Variants in PPP3R1 observed in about 807,000 individuals in gnomAD.
The protein encoded by PPP3R1 is protein phosphatase 3 regulatory subunit B, alpha, also known as calcineurin subunit B type 1.
Under a neutral mutation model 22.6 loss-of-function variants are expected in PPP3R1, and 5 were observed. The ratio of observed to expected loss-of-function variants is 0.22; its 90% CI spans 0.12 to 0.46. The LOEUF (loss-of-function observed/expected upper bound fraction) is 0.46, where lower values mean the gene tolerates loss of function less well. Ranked by LOEUF, PPP3R1 falls within the 20% of genes least tolerant of loss-of-function variation. The pLI, the probability that PPP3R1 is intolerant of heterozygous loss-of-function variation, is 0.99. For missense variants in PPP3R1, 61 were observed against 203.2 expected (o/e 0.30, Z 4.25); for synonymous variants, 56 against 65.2 (o/e 0.86, Z 0.68).
At chr2:68,225,835 T>C (rs768766493) in intron 1 of PPP3R1, among the ~76,000 whole-genome samples, 4 of 152,206 alleles carry the variant, frequency 2.6e-5, no homozygotes, top group African/African-American at 7.2e-5. Flanking sequence ...GGACTCTTAG[T>C]GTAACCAGAA....
chr2:68,196,073 C>CT (rs1227582365), intron 2 of PPP3R1, among the ~76,000 whole-genome samples: 1 of 152,012 alleles, frequency 6.6e-6, no homozygotes, highest in Non-Finnish European at 1.5e-5. Context: ...CCCGGAATCT[C>CT]TATCTTAGAG....
intron 1 of PPP3R1, among the ~76,000 whole-genome samples, chr2:68,218,553 C>T (rs1669622414): frequency 6.6e-6 from 1 of 151,998 alleles, no homozygotes; most frequent in Admixed American, 6.6e-5. Context: ...CTTAATTGAT[C>T]TTAATATTCT....
intron 1 of PPP3R1, among the ~76,000 whole-genome samples, chr2:68,238,788 T>C (rs1416742481): frequency 1.3e-5 from 2 of 152,102 alleles, no homozygotes; most frequent in African/African-American, 4.8e-5. Flanking sequence ...CAAGTGGCAT[T>C]TGGGGGATCT....
chr2:68,250,801 A>T (rs1024398907), intron 1 of PPP3R1, among the ~76,000 whole-genome samples: 1 of 151,562 alleles, frequency 6.6e-6, no homozygotes, highest in Admixed American at 6.6e-5. Context: ...CCTATATTTT[A>T]AATAAAAGCT....
intron 2 of PPP3R1, among the ~76,000 whole-genome samples, chr2:68,189,054 C>T (rs150456007): frequency 2.0e-5 from 3 of 152,256 alleles, no homozygotes; most frequent in South Asian, 4.1e-4. Flanking sequence ...AAGCTGATCA[C>T]GGAGGTTCTA....
intron 2 of PPP3R1, among the ~76,000 whole-genome samples, chr2:68,198,199 T>TATATGTATACAC (rs1674844176): frequency 6.9e-6 from 1 of 144,110 alleles, no homozygotes; most frequent in African/African-American, 2.5e-5. Flanking sequence ...TATATTTACA[T>TATATGTATACAC]ATATGTGCAT....
intron 2 of PPP3R1, among the ~76,000 whole-genome samples, chr2:68,189,262 A>G (rs1196009359): frequency 6.6e-6 from 1 of 152,154 alleles, no homozygotes; most frequent in South Asian, 2.1e-4. Flanking sequence ...CCAGTTTCCT[A>G]AATATTCTTC....
chr2:68,188,835 A>G, intron 2 of PPP3R1, 145 bp from the exon 3 acceptor site: 4 of 659,948 alleles, frequency 6.1e-6, no homozygotes, highest in Non-Finnish European at 1.0e-5. Flanking sequence ...TTTAATTTCC[A>G]ATTTGATAAA....
chr2:68,212,803 CTG>C (rs1405625284), intron 2 of PPP3R1, among the ~76,000 whole-genome samples: 8 of 152,236 alleles, frequency 5.3e-5, no homozygotes, highest in African/African-American at 1.9e-4. Flanking sequence ...TGAGCACTGA[CTG>C]TAACTTAAAG....
chr2:68,198,060 G>C (rs1674829653), intron 2 of PPP3R1, among the ~76,000 whole-genome samples: 1 of 34,278 alleles, frequency 2.9e-5, no homozygotes, highest in African/African-American at 1.5e-4. Flanking sequence ...CGGCACCTTT[G>C]GCAAAAAAAA....
intron 5 of PPP3R1, among the ~76,000 whole-genome samples, chr2:68,182,554 G>A (rs745329955): frequency 2.7e-5 from 4 of 150,892 alleles, no homozygotes; most frequent in African/African-American, 7.3e-5. Context: ...GGTGTCTCAC[G>A]CCTGTAATCC....
chr2:68,187,628 G>C (rs1315283126), intron 3 of PPP3R1, among the ~76,000 whole-genome samples: 1 of 151,834 alleles, frequency 6.6e-6, no homozygotes, highest in African/African-American at 2.4e-5. Context: ...ACTGTAACAA[G>C]GGGCTTTAAA....
In PPP3R1 at chr2:68,252,310, G is replaced by C. The variant is rs1457012466; in HGVS notation, c.-183C>G. ...CCGCGCCGGCCGGGCGATTGGGCAC[G>C]CGAGGGAGCGGGCAGGGTAGGGGGA... On this transcript the variant is annotated 5_prime_UTR_variant, in exon 1 of 6. Coordinates refer to ENST00000234310, the MANE Select transcript of PPP3R1 (RefSeq NM_000945.4). 2.0e-6 allele frequency: 2 copies of C among 1,024,288 alleles called. No individual in the cohort carries two copies. Among genetic ancestry groups the C allele is most frequent in the African/African-American group, 3.5e-5 (2 of 57,916 alleles). 63.4% of individuals were successfully genotyped at this position (1,024,288 alleles called of 1,614,324 possible). A position where few individuals can be genotyped will look rare whatever the true frequency, so the allele number is the denominator to read the frequency against.
intron 2 of PPP3R1, among the ~76,000 whole-genome samples, chr2:68,210,194 T>C (rs556904634): frequency 6.6e-6 from 1 of 152,284 alleles, no homozygotes; most frequent in South Asian, 2.1e-4. Flanking sequence ...TTGGCCTCTA[T>C]TCCAATTCTT....
chr2:68,248,641 G>A (rs939978314), intron 1 of PPP3R1, among the ~76,000 whole-genome samples: 1 of 152,084 alleles, frequency 6.6e-6, no homozygotes, highest in African/African-American at 2.4e-5. Context: ...CTGTTGGTTC[G>A]GGAACCATCA....
chr2:68,199,983 T>C (rs980934655), intron 2 of PPP3R1, among the ~76,000 whole-genome samples: 1 of 152,218 alleles, frequency 6.6e-6, no homozygotes. Flanking sequence ...TGTGTTTCTT[T>C]CTTTCTTTTC....
intron 2 of PPP3R1, among the ~76,000 whole-genome samples, chr2:68,208,365 A>G (rs1403161750): frequency 6.6e-6 from 1 of 152,194 alleles, no homozygotes; most frequent in Non-Finnish European, 1.5e-5. Flanking sequence ...CAGGTGGTAA[A>G]TATTTTAGGC....
chr2:68,250,275 A>C (rs1670321757), intron 1 of PPP3R1, among the ~76,000 whole-genome samples: 1 of 152,202 alleles, frequency 6.6e-6, no homozygotes, highest in Admixed American at 6.5e-5. Context: ...ATTTTAAAAG[A>C]CAAGAAAACA....
chr2:68,198,237 A>G (rs955912864), intron 2 of PPP3R1, among the ~76,000 whole-genome samples: 2 of 114,364 alleles, frequency 1.7e-5, no homozygotes, highest in African/African-American at 6.1e-5. Flanking sequence ...ATATATGTAT[A>G]CACATATGTA....
Sources: allele counts gnomAD v4.1 joint callset (sites outside exome capture counted in the v4.1 genomes callset), GRCh38; gene constraint gnomAD v4.1.1; transcripts MANE v1.5; gene names NCBI Gene and HGNC (gene_info 2026-07-23, HGNC 2026-07-21).